Variants in TTC28 observed in about 807,000 individuals in gnomAD.
TTC28 encodes the protein tetratricopeptide repeat domain 28, also known as tetratricopeptide repeat protein 28.
TTC28 carries 61 observed loss-of-function variants against 198.0 expected under a neutral mutation model. That is an observed-to-expected ratio of 0.31 (90% CI 0.25 to 0.38). TTC28 has a LOEUF of 0.38. Among genes scored for constraint, TTC28 ranks in the 10% least tolerant of loss-of-function variants. The pLI is 1.00. For missense variants in TTC28, 2,678 were observed against 3,164.0 expected (o/e 0.85, Z 3.69); for synonymous variants, 1,171 against 1,297.8 (o/e 0.90, Z 2.10).
intron 5 of TTC28, among the ~76,000 whole-genome samples, chr22:28,172,528 G>T (rs1341410575): frequency 6.6e-6 from 1 of 152,160 alleles, no homozygotes; most frequent in South Asian, 2.1e-4. Context: ...TCTGCTTCTG[G>T]TTCTTCATTT....
chr22:28,240,113 C>G (rs1163447004), intron 5 of TTC28, among the ~76,000 whole-genome samples: 1 of 152,202 alleles, frequency 6.6e-6, no homozygotes, highest in African/African-American at 2.4e-5. Flanking sequence ...AGAACTAACC[C>G]AAGAAACTTT....
At chr22:28,204,316 A>C (rs970486355) in intron 5 of TTC28, among the ~76,000 whole-genome samples, 1 of 152,192 alleles carries the variant, frequency 6.6e-6, no homozygotes, top group East Asian at 1.9e-4. Context: ...ACTGACACAG[A>C]GAGTAGGGCA....
intron 2 of TTC28, among the ~76,000 whole-genome samples, chr22:28,568,018 AG>A (rs2050007348): frequency 1.3e-5 from 2 of 152,202 alleles, no homozygotes; most frequent in African/African-American, 4.8e-5. Context: ...AAAACAAAAA[AG>A]GGGGAAGAAT....
At chr22:28,474,754 C>T (rs2048139390) in intron 2 of TTC28, among the ~76,000 whole-genome samples, 1 of 152,184 alleles carries the variant, frequency 6.6e-6, no homozygotes, top group Non-Finnish European at 1.5e-5. Flanking sequence ...TCAATTGGCC[C>T]TGCCCTTGCT....
intron 2 of TTC28, among the ~76,000 whole-genome samples, chr22:28,442,437 C>A (rs540845247): frequency 6.6e-6 from 1 of 152,360 alleles, no homozygotes; most frequent in South Asian, 2.1e-4. Context: ...CCTGGGGAAA[C>A]GGCTGCCAGC....
intron 5 of TTC28, among the ~76,000 whole-genome samples, chr22:28,277,415 G>C (rs925361245): frequency 6.6e-6 from 1 of 152,112 alleles, no homozygotes. Flanking sequence ...TTCCTAATTT[G>C]GATCATCTGT....
At chr22:28,207,896 T>G (rs1204194633) in intron 5 of TTC28, among the ~76,000 whole-genome samples, 2 of 152,108 alleles carry the variant, frequency 1.3e-5, no homozygotes, top group Non-Finnish European at 2.9e-5. Context: ...GTGTGGAGTA[T>G]GAGGTACTCA....
At chr22:28,208,628 T>C (rs1262583965) in intron 5 of TTC28, among the ~76,000 whole-genome samples, 2 of 152,224 alleles carry the variant, frequency 1.3e-5, no homozygotes, top group Non-Finnish European at 2.9e-5. Context: ...CATACAATGA[T>C]AACTTGCCTT....
chr22:28,539,820 T>C (rs976658536), intron 2 of TTC28, among the ~76,000 whole-genome samples: 2 of 151,380 alleles, frequency 1.3e-5, no homozygotes, highest in Non-Finnish European at 2.9e-5. Flanking sequence ...TGTGTTGTTA[T>C]AAAGAAACAC....
intron 2 of TTC28, among the ~76,000 whole-genome samples, chr22:28,542,419 T>C (rs891998650): frequency 2.0e-5 from 3 of 152,114 alleles, no homozygotes; most frequent in African/African-American, 7.2e-5. Context: ...AATTCTAAAT[T>C]TGATAAACCT....
intron 15 of TTC28, chr22:27,999,915 T>C (rs187699446): frequency 6.6e-6 from 1 of 152,314 alleles, no homozygotes; most frequent in East Asian, 1.9e-4. Context: ...AAAATAATTT[T>C]TTGGTGCCTC....
At chr22:28,355,792 C>A (rs907814549) in intron 2 of TTC28, among the ~76,000 whole-genome samples, 1 of 152,172 alleles carries the variant, frequency 6.6e-6, no homozygotes, top group Non-Finnish European at 1.5e-5. Flanking sequence ...ATCTCACACC[C>A]AACTATAGTG....
intron 2 of TTC28, among the ~76,000 whole-genome samples, chr22:28,620,195 T>C (rs1005951397): frequency 6.6e-6 from 1 of 151,612 alleles, no homozygotes; most frequent in South Asian, 2.1e-4. Flanking sequence ...ACTAAAAATA[T>C]AAAAATTAGC....
chr22:28,150,901 G>A (rs57039705), intron 6 of TTC28, among the ~76,000 whole-genome samples: 2 of 152,220 alleles, frequency 1.3e-5, no homozygotes, highest in African/African-American at 4.8e-5. Flanking sequence ...CCAGGAAGTA[G>A]TGCCCACCTA....
At chr22:28,544,192 T>G (rs1196893649) in intron 2 of TTC28, among the ~76,000 whole-genome samples, 1 of 152,222 alleles carries the variant, frequency 6.6e-6, no homozygotes, top group Non-Finnish European at 1.5e-5. Context: ...CACTCCAGCC[T>G]GGGCAACACA....
chr22:28,215,683 T>C (rs1320971825), intron 5 of TTC28, among the ~76,000 whole-genome samples: 1 of 152,068 alleles, frequency 6.6e-6, no homozygotes, highest in Non-Finnish European at 1.5e-5. Context: ...TAAGTTGGTG[T>C]TGAATCAGAA....
At chr22:28,065,929 T>C (rs74664783) in intron 12 of TTC28, among the ~76,000 whole-genome samples, 2,304 of 152,284 alleles carry the variant, frequency 0.015, 71 homozygotes, top group African/African-American at 0.053. Context: ...TACTAGGAAA[T>C]GTACATATTT....
intron 5 of TTC28, among the ~76,000 whole-genome samples, chr22:28,243,874 A>G (rs1929881986): frequency 1.3e-5 from 2 of 152,328 alleles, no homozygotes; most frequent in Non-Finnish European, 2.9e-5. Context: ...CATTCAACAA[A>G]TATGTACTGA....
At chr22:28,039,813 G>A (rs1416031189) in intron 12 of TTC28, among the ~76,000 whole-genome samples, 3 of 152,020 alleles carry the variant, frequency 2.0e-5, no homozygotes, top group African/African-American at 7.2e-5. Context: ...TTTTTTAAAA[G>A]ATCAACAAAA....
Sources: gnomAD v4.1 joint callset for allele counts (sites outside exome capture counted in the v4.1 genomes callset) on GRCh38, gnomAD v4.1.1 for gene constraint, MANE v1.5 for transcripts, NCBI Gene and HGNC (gene_info 2026-07-23, HGNC 2026-07-21) for gene names.